ATXN1: variants seen among roughly 807,000 people sequenced by gnomAD.
ATXN1 encodes the protein ataxin 1, also known as ataxin-1.
In ATXN1, 8 loss-of-function variants were observed where a neutral mutation model predicts 56.4. The ratio of observed to expected loss-of-function variants is 0.14; its 90% CI spans 0.08 to 0.26. ATXN1 has a LOEUF of 0.26. ATXN1 is among the 10% of genes least tolerant of loss of function. The pLI, the probability that ATXN1 is intolerant of heterozygous loss-of-function variation, is 1.00. For missense variants in ATXN1, 987 were observed against 1,106.5 expected, an observed-to-expected ratio of 0.89 and a Z score of 1.53; for synonymous variants, 514 against 494.6, an observed-to-expected ratio of 1.04 and a Z score of -0.52.
chr6:16,430,165 C>T (rs903529596), intron 6 of ATXN1, among the ~76,000 whole-genome samples: 5 of 152,000 alleles, frequency 3.3e-5, no homozygotes, highest in South Asian at 2.1e-4. Context: ...TGGAGGGAAA[C>T]GGCCACATCA....
At chr6:16,676,472 G>C (rs1308580633) in intron 2 of ATXN1, among the ~76,000 whole-genome samples, 1 of 152,142 alleles carries the variant, frequency 6.6e-6, no homozygotes, top group African/African-American at 2.4e-5. Context: ...TTAAATGTTA[G>C]GGACATTGAA....
intron 5 of ATXN1, among the ~76,000 whole-genome samples, chr6:16,492,233 A>T (rs12333014): frequency 0.049 from 7,387 of 150,256 alleles, 584 homozygotes; most frequent in African/African-American, 0.17. Flanking sequence ...ATGAGAACAC[A>T]TGGACACAGG....
chr6:16,486,211 A>C (rs1369292029), intron 5 of ATXN1, 102 bp from the exon 6 acceptor site: 2 of 152,236 alleles, frequency 1.3e-5, no homozygotes, highest in Admixed American at 1.3e-4. Flanking sequence ...AGACGAATTG[A>C]TAGTTCACCA....
At chr6:16,335,571 T>C (rs2113429264) in intron 6 of ATXN1, among the ~76,000 whole-genome samples, 1 of 152,340 alleles carries the variant, frequency 6.6e-6, no homozygotes, top group East Asian at 1.9e-4. Context: ...TTATGTATCT[T>C]AATTTTTATC....
chr6:16,585,260 G>A (rs1420540306), intron 4 of ATXN1, among the ~76,000 whole-genome samples: 1 of 151,482 alleles, frequency 6.6e-6, no homozygotes, highest in African/African-American at 2.4e-5. Context: ...AAAATAAAAA[G>A]GCAAAAAAAT....
chr6:16,633,381 GTTTTC>G (rs1332246143), intron 3 of ATXN1, among the ~76,000 whole-genome samples: 1 of 152,162 alleles, frequency 6.6e-6, no homozygotes, highest in Non-Finnish European at 1.5e-5. Flanking sequence ...TGTTTTATCA[GTTTTC>G]TTTTCCAGTT....
At chr6:16,541,637 C>A (rs909177120) in intron 4 of ATXN1, among the ~76,000 whole-genome samples, 1 of 152,176 alleles carries the variant, frequency 6.6e-6, no homozygotes, top group African/African-American at 2.4e-5. Flanking sequence ...GGTGGAAAAG[C>A]TGGCCAGGGA....
chr6:16,628,744 G>C (rs933810701), intron 3 of ATXN1, among the ~76,000 whole-genome samples: 2 of 152,152 alleles, frequency 1.3e-5, no homozygotes, highest in Non-Finnish European at 2.9e-5. Context: ...GTGATAGTTT[G>C]CTAAGGATAA....
At chr6:16,542,610 C>T (rs563221062) in intron 4 of ATXN1, among the ~76,000 whole-genome samples, 1 of 152,242 alleles carries the variant, frequency 6.6e-6, no homozygotes, top group East Asian at 1.9e-4. Context: ...TTTGCAGCAG[C>T]CAAATACAAC....
chr6:16,529,674 A>G (rs1278340099), intron 4 of ATXN1, among the ~76,000 whole-genome samples: 8 of 152,242 alleles, frequency 5.3e-5, no homozygotes, highest in Admixed American at 2.6e-4. Flanking sequence ...GAGTAGATAC[A>G]TATTATTATG....
intron 2 of ATXN1, among the ~76,000 whole-genome samples, chr6:16,663,775 C>T (rs1220838628): frequency 1.3e-5 from 2 of 152,076 alleles, no homozygotes; most frequent in Non-Finnish European, 2.9e-5. Flanking sequence ...AGCAGTCCTC[C>T]CAGCTCAGCC....
At chr6:16,743,328 T>C (rs138105392) in intron 2 of ATXN1, among the ~76,000 whole-genome samples, 1 of 152,358 alleles carries the variant, frequency 6.6e-6, no homozygotes, top group Non-Finnish European at 1.5e-5. Flanking sequence ...CACAGGCTTC[T>C]TACACATTTT....
At chr6:16,369,731 CTTCT>C in intron 6 of ATXN1, among the ~76,000 whole-genome samples, 1 of 152,252 alleles carries the variant, frequency 6.6e-6, no homozygotes, top group South Asian at 2.1e-4. Context: ...ATAAACTCTC[CTTCT>C]TTATTTCATT....
intron 4 of ATXN1, among the ~76,000 whole-genome samples, chr6:16,544,249 C>T (rs1761770460): frequency 6.6e-6 from 1 of 152,212 alleles, no homozygotes; most frequent in Non-Finnish European, 1.5e-5. Flanking sequence ...GTGACAACGG[C>T]CTTCCTTGCA....
intron 5 of ATXN1, among the ~76,000 whole-genome samples, chr6:16,495,795 G>A (rs761936288): frequency 5.9e-5 from 9 of 151,876 alleles, no homozygotes; most frequent in East Asian, 3.9e-4. Context: ...CCCAGGAAGC[G>A]GAGGTTGCAG....
chr6:16,564,496 T>G (rs899817921), intron 4 of ATXN1, among the ~76,000 whole-genome samples: 1 of 152,208 alleles, frequency 6.6e-6, no homozygotes, highest in African/African-American at 2.4e-5. Flanking sequence ...AAATAAGGTA[T>G]AGCCATACAA....
At chr6:16,754,510 G>T (rs887665807) in intron 1 of ATXN1, 1 of 152,092 alleles carries the variant, frequency 6.6e-6, no homozygotes, top group Non-Finnish European at 1.5e-5. Flanking sequence ...AACACATCTC[G>T]GTACTCATGA....
In ATXN1 at chr6:16,491,283, T is replaced by TATTATTATTA. The variant is rs57752763; in HGVS notation, c.-298-5175_-298-5174insTAATAATAAT. On this transcript the variant is annotated intron_variant, in intron 5 of 7. Transcript: ENST00000436367. ...AATTATTATTATTATTATTATTTTT[T>TATTATTATTA]TTTTTTTTTTTTTTTTTTGATACAA... is the stretch of plus-strand genomic sequence containing the variant. Among the ~76,000 whole-genome samples, 998 of 115,324 alleles carry TATTATTATTA rather than the reference T, an allele frequency of 8.7e-3. 10 individuals carry two copies. The highest frequency in any genetic ancestry group is 0.013 in the East Asian group (55 of 4,150). The allele number at this position is 115,324 out of a possible 152,430, so 75.7% of individuals were successfully genotyped here.
intron 6 of ATXN1, among the ~76,000 whole-genome samples, chr6:16,350,771 C>T (rs1046261571): frequency 1.3e-5 from 2 of 152,122 alleles, no homozygotes; most frequent in Admixed American, 1.3e-4. Context: ...CGAACCCAAG[C>T]CTTGGTTTCC....
Sources: gnomAD v4.1 joint callset for allele counts (sites outside exome capture counted in the v4.1 genomes callset) on GRCh38, gnomAD v4.1.1 for gene constraint, MANE v1.5 for transcripts, NCBI Gene and HGNC (gene_info 2026-07-23, HGNC 2026-07-21) for gene names.